OCM2: variants seen among roughly 807,000 people sequenced by gnomAD.
The protein encoded by OCM2 is oncomodulin 2.
OCM2 carries 6 observed loss-of-function variants against 13.6 expected under a neutral mutation model. That is an observed-to-expected ratio of 0.44 (90% CI 0.24 to 0.87). The LOEUF is 0.87. Ranked by LOEUF, OCM2 falls within the 40% of genes least tolerant of loss-of-function variation. The probability of loss-of-function intolerance (pLI) is 0.22; values close to 1 mark genes in which losing one functional copy is unlikely to be tolerated. For synonymous variants in OCM2, 40 were observed against 50.7 expected, an observed-to-expected ratio of 0.79 and a Z score of 0.90; for missense variants, 118 against 136.8, an observed-to-expected ratio of 0.86 and a Z score of 0.68.
chr7:97,984,803 C>T lies in OCM2; in HGVS notation c.*155G>A, dbSNP rs1794654025. 1.1e-5 allele frequency: 12 copies of T among 1,107,650 alleles called. No homozygotes were observed. In the East Asian group the frequency reaches 2.8e-4, roughly 26 times the overall value. 68.6% of individuals were successfully genotyped at this position (1,107,650 alleles called of 1,614,324 possible). A position where few individuals can be genotyped will look rare whatever the true frequency, so the allele number is the denominator to read the frequency against. On this transcript the variant is annotated 3_prime_UTR_variant, in exon 4 of 4. Transcript: ENST00000257627. ...CCAAGAAAGTCATGAGTGACTCTCT[C>T]GTGACCTCGCTAAAACAATGAGCAA...
At chr7:97,989,624 T>C (rs1328203872) in intron 1 of OCM2, among the ~76,000 whole-genome samples, 1 of 151,536 alleles carries the variant, frequency 6.6e-6, no homozygotes, top group Admixed American at 6.6e-5. Flanking sequence ...CCCAGGCTGG[T>C]CTCAAACTCC....
chr7:97,985,869 T>C (rs1794666534), intron 3 of OCM2, among the ~76,000 whole-genome samples: 1 of 152,222 alleles, frequency 6.6e-6, no homozygotes, highest in African/African-American at 2.4e-5. Context: ...TTTATATTTA[T>C]TGGTAAGCTT....
chr7:97,986,886 T>G (rs1224048554), intron 3 of OCM2, among the ~76,000 whole-genome samples, 161 bp downstream of exon 3: 1 of 152,114 alleles, frequency 6.6e-6, no homozygotes, highest in Non-Finnish European at 1.5e-5. Context: ...ACACATCATT[T>G]GCATCCTTAC....
chr7:97,984,832 G>A (rs1278162524), exon 4 of OCM2: 7 of 1,251,296 alleles, frequency 5.6e-6, no homozygotes, highest in Non-Finnish European at 1.1e-6. Flanking sequence ...TGAGCAAACT[G>A]CAGAAGGTTT....
chr7:97,990,025 C>CGG lies in OCM2; in HGVS notation c.61+18_61+19insCC. Reference sequence around the variant, plus strand: ...CAAAGCTGTGAGGAAATCCCACCCCCGCCCCACGTCCCCTCTACCTTGGCA... The same window carrying CGG: ...CAAAGCTGTGAGGAAATCCCACCCCCGGGCCCCACGTCCCCTCTACCTTGGCA... On this transcript the variant is annotated intron_variant, in intron 1 of 3. Coordinates refer to ENST00000257627, the Ensembl canonical transcript of OCM2. 1 of 1,523,218 alleles carries CGG rather than the reference C, an allele frequency of 6.6e-7. No homozygotes were observed. Among genetic ancestry groups the CGG allele is most frequent in the Non-Finnish European group, 9.1e-7 (1 of 1,097,886 alleles). The allele number at this position is 1,523,218 out of a possible 1,614,324, so 94.4% of individuals were successfully genotyped here.
chr7:97,988,164 C>T (rs1794690599), intron 2 of OCM2, among the ~76,000 whole-genome samples: 1 of 150,422 alleles, frequency 6.6e-6, no homozygotes, highest in African/African-American at 2.4e-5. Context: ...GCACTCCAGC[C>T]TGGGTGACAG....
At chr7:97,990,013 AAAT>A in intron 1 of OCM2, 28 bp downstream of exon 1, 7 of 1,505,136 alleles carry the variant, frequency 4.7e-6, no homozygotes, top group African/African-American at 1.4e-5. Context: ...AGCTGTGAGG[AAAT>A]CCCACCCCCG....
intron 1 of OCM2, among the ~76,000 whole-genome samples, chr7:97,989,081 C>A (rs1479185329): frequency 4.0e-5 from 6 of 151,836 alleles, no homozygotes; most frequent in Non-Finnish European, 8.8e-5. Context: ...CAGGCATGCA[C>A]CCCCATGCCC....
intron 3 of OCM2, among the ~76,000 whole-genome samples, chr7:97,986,387 C>T (rs1794671221): frequency 6.6e-6 from 1 of 151,884 alleles, no homozygotes; most frequent in African/African-American, 2.4e-5. Flanking sequence ...CCAGAAGGAC[C>T]ACCATACATT....
chr7:97,989,137 G>A lies in OCM2; in HGVS notation c.62-589C>T, dbSNP rs183319684. Among the ~76,000 whole-genome samples, 1,020 of 151,682 alleles carry A rather than the reference G, an allele frequency of 6.7e-3. 6 individuals are homozygous for A. Among genetic ancestry groups the A allele is most frequent in the African/African-American group, 0.023 (973 of 41,406 alleles). On this transcript the variant is annotated intron_variant, in intron 1 of 3. Coordinates refer to ENST00000257627, the Ensembl canonical transcript of OCM2. ...ATAGAGACAGGGTTTTGTCAGGCTG[G>A]CCAGGTTGGTCTTGAACTCCTGACC...
At chr7:97,988,252 T>G (rs1164449335) in intron 2 of OCM2, among the ~76,000 whole-genome samples, 164 bp downstream of exon 2, 3 of 151,510 alleles carry the variant, frequency 2.0e-5, no homozygotes, top group African/African-American at 7.3e-5. Flanking sequence ...TTTGCATGGG[T>G]AGATGTGCGG....
intron 1 of OCM2, 28 bp downstream of exon 1, chr7:97,990,016 T>TGGGCCCC: frequency 1.8e-6 from 2 of 1,083,838 alleles, no homozygotes; most frequent in Non-Finnish European, 2.8e-6. Context: ...TGTGAGGAAA[T>TGGGCCCC]CCCACCCCCG....
Position 97,990,030 on chromosome 7 carries a change from C to CCCCACCCCACAACAAA in OCM2, c.61+13_61+14insTTTGTTGTGGGGTGGG. On this transcript the variant is annotated intron_variant, in intron 1 of 3. Coordinates refer to ENST00000257627, the Ensembl canonical transcript of OCM2. ...CTGTGAGGAAATCCCACCCCCGCCC[C>CCCCACCCCACAACAAA]ACGTCCCCTCTACCTTGGCATTCCT... 2 of 1,571,176 alleles carry CCCCACCCCACAACAAA rather than the reference C, an allele frequency of 1.3e-6. No individual in the cohort carries two copies. The highest frequency in any genetic ancestry group is 1.8e-6 in the Non-Finnish European group (2 of 1,141,482).
chr7:97,987,222 GTTTTTC>G (rs1794681951), intron 2 of OCM2, 66 bp from the exon 3 acceptor site: 5 of 1,589,886 alleles, frequency 3.1e-6, no homozygotes, highest in Non-Finnish European at 4.3e-6. Context: ...TTAGACTTTT[GTTTTTC>G]CTTTAAGCAT....
chr7:97,989,693 G>A (rs2116142304), intron 1 of OCM2, among the ~76,000 whole-genome samples: 1 of 150,700 alleles, frequency 6.6e-6, no homozygotes. Context: ...ACGGATGTGA[G>A]CCACCATGCC....
At position 97,989,371 on chromosome 7, in the gene OCM2, C is replaced by G. The variant is rs563872694; in HGVS notation, c.61+673G>C. On this transcript the variant is annotated intron_variant, in intron 1 of 3. Coordinates refer to ENST00000257627, the Ensembl canonical transcript of OCM2. The stretch of plus-strand genomic sequence containing the variant: ...TTCTCTGATTCCATGAATTTTCCAG[C>G]CAAGCTCTTATTTACTTATTTATTT... Among the ~76,000 whole-genome samples the G allele has an allele frequency of 2.3e-3, 315 of 137,686 alleles. 1 individual carries two copies. The highest frequency in any genetic ancestry group is 4.0e-3 in the Non-Finnish European group (252 of 62,468). The allele number at this position is 137,686 out of a possible 152,430, so 90.3% of individuals were successfully genotyped here.
chr7:97,990,030 C>CCCCCCCCCACAAACAA lies in OCM2; in HGVS notation c.61+13_61+14insTTGTTTGTGGGGGGGG. ...CTGTGAGGAAATCCCACCCCCGCCCCACGTCCCCTCTACCTTGGCATTCCT... is the reference window on the plus strand; with the variant it reads ...CTGTGAGGAAATCCCACCCCCGCCCCCCCCCCCCACAAACAAACGTCCCCTCTACCTTGGCATTCCT... On this transcript the variant is annotated intron_variant, in intron 1 of 3. Transcript: ENST00000257627. The CCCCCCCCCACAAACAA allele has an allele frequency of 6.4e-7, 1 of 1,571,176 alleles. No homozygotes were observed. Among genetic ancestry groups the CCCCCCCCCACAAACAA allele is most frequent in the Non-Finnish European group, 8.8e-7 (1 of 1,141,482 alleles).
Position 97,988,450 on chromosome 7 carries a change from C to T in OCM2, c.160G>A (p.Asp54Asn), listed in dbSNP as rs747093318. The change falls in exon 2 of 4, where the codon GAC becomes AAC. Residue 54 changes from aspartate (D) to asparagine (N), a missense_variant. Physicochemically the swap from Asp to Asn is conservative, Grantham distance 23 (BLOSUM62 1). Coordinates refer to ENST00000257627, the Ensembl canonical transcript of OCM2. ...TCTTCATCCAGATACCCGCTCTGGT[C>T]GTTGTCTATGAACCGGAAAACATCC... 2.5e-6 allele frequency: 4 copies of T among 1,614,110 alleles called. No individual in the cohort carries two copies. Among genetic ancestry groups the T allele is most frequent in the East Asian group, 2.2e-5 (1 of 44,878 alleles).
chr7:97,988,058 G>A (rs982146677), intron 2 of OCM2, among the ~76,000 whole-genome samples: 1 of 152,052 alleles, frequency 6.6e-6, no homozygotes, highest in Non-Finnish European at 1.5e-5. Flanking sequence ...GGATGTGGTG[G>A]CAAGCACCTG....
Sources: allele counts gnomAD v4.1 joint callset (sites outside exome capture counted in the v4.1 genomes callset), GRCh38; gene constraint gnomAD v4.1.1; transcripts MANE v1.5; gene names NCBI Gene and HGNC (gene_info 2026-07-23, HGNC 2026-07-21).